RFX8: variants seen among roughly 807,000 people sequenced by gnomAD.
The protein encoded by RFX8 is regulatory factor X8, also known as DNA-binding protein RFX8.
In RFX8, 46 loss-of-function variants were observed where a neutral mutation model predicts 54.6. The ratio of observed to expected loss-of-function variants is 0.84; its 90% CI spans 0.67 to 1.08. The LOEUF (loss-of-function observed/expected upper bound fraction) is 1.08. Among genes scored for constraint, RFX8 ranks in the 50% least tolerant of loss-of-function variants. RFX8 has a pLI of 0.00. For missense variants in RFX8, 536 were observed against 562.3 expected (o/e 0.95, Z 0.47); for synonymous variants, 192 against 209.5 (o/e 0.92, Z 0.72).
In RFX8 at chr2:101,429,130, T is replaced by C. The variant is rs569955348; in HGVS notation, c.73-6658A>G. On this transcript the variant is annotated intron_variant, in intron 2 of 11. Transcript: ENST00000428343. ...TATTTGTTTAGGGGTATAACTTTTA[T>C]TGAAAAACCCTCTGCCATGTTTCTA... 1.4e-4 allele frequency: 89 copies of C among 652,346 alleles called. 1 individual carries two copies. In the South Asian group the frequency reaches 1.5e-3, roughly 11 times the overall value. The allele number at this position is 652,346 out of a possible 1,614,324, so 40.4% of individuals were successfully genotyped here.
chr2:101,400,803 C>T (rs1685395181), intron 11 of RFX8, among the ~76,000 whole-genome samples: 1 of 152,192 alleles, frequency 6.6e-6, no homozygotes, highest in Non-Finnish European at 1.5e-5. Context: ...TAGGGCTCTA[C>T]AGAATGCTCC....
chr2:101,448,032 C>T (rs1688484808), intron 2 of RFX8, among the ~76,000 whole-genome samples: 1 of 152,184 alleles, frequency 6.6e-6, no homozygotes, highest in Non-Finnish European at 1.5e-5. Context: ...GGCCAGCTAG[C>T]TCTCTGAAGC....
chr2:101,424,695 G>T (rs2104592747), intron 2 of RFX8, among the ~76,000 whole-genome samples: 1 of 152,276 alleles, frequency 6.6e-6, no homozygotes, highest in South Asian at 2.1e-4. Context: ...CCATAAAAAG[G>T]ATGAGTTAAT....
In RFX8 at chr2:101,472,582, T is replaced by TG. The variant is rs544226493; in HGVS notation, c.-53+2053dup. 9.9e-5 allele frequency among the ~76,000 whole-genome samples: 15 copies of TG among 152,266 alleles called. No individual in the cohort carries two copies. The East Asian group carries it at 2.9e-3, about 29-fold the overall frequency. Reference sequence around the variant, plus strand: ...GAGTAAGTCAGACTGTCTGCTAAAATGGTCTACACCAGGGGTGTCCAATCT... The same window carrying TG: ...GAGTAAGTCAGACTGTCTGCTAAAATGGGTCTACACCAGGGGTGTCCAATCT... On this transcript the variant is annotated intron_variant, in intron 1 of 11. Coordinates refer to ENST00000428343, the MANE Select transcript of RFX8 (RefSeq NM_001145664.2).
At chr2:101,470,144 C>T (rs1191088554) in intron 1 of RFX8, among the ~76,000 whole-genome samples, 1 of 152,106 alleles carries the variant, frequency 6.6e-6, no homozygotes, top group Non-Finnish European at 1.5e-5. Context: ...ACACATACCC[C>T]GGGCTTTGAA....
intron 6 of RFX8, 151 bp downstream of exon 6, chr2:101,417,383 T>G: frequency 5.7e-6 from 3 of 529,308 alleles, no homozygotes; most frequent in South Asian, 4.8e-5. Flanking sequence ...TTTTAAAACT[T>G]TTTTGTGAGA....
rs188087980 is a variant in RFX8 at position 101,414,752 on chromosome 2, C to T, written c.561+102G>A. The T allele has an allele frequency of 3.0e-4, 273 of 897,740 alleles. 1 individual carries two copies. In the African/African-American group the frequency reaches 4.1e-3, roughly 13 times the overall value. 55.6% of individuals were successfully genotyped at this position (897,740 alleles called of 1,614,324 possible). ...GCCACCCTGCCTGCCCTCTGCCCTC[C>T]AGATGGACAGAGCAACCACTCACTC... is the stretch of plus-strand genomic sequence containing the variant. On this transcript the variant is annotated intron_variant, in intron 7 of 11. Coordinates refer to ENST00000428343, the MANE Select transcript of RFX8 (RefSeq NM_001145664.2).
At chr2:101,438,827 T>C (rs963463975) in intron 2 of RFX8, among the ~76,000 whole-genome samples, 15 of 152,182 alleles carry the variant, frequency 9.9e-5, no homozygotes, top group African/African-American at 3.4e-4. Context: ...TTCTTTCTTT[T>C]TGAGACGGAG....
intron 2 of RFX8, among the ~76,000 whole-genome samples, chr2:101,432,171 G>A (rs776227543): frequency 1.2e-4 from 19 of 152,100 alleles, no homozygotes; most frequent in Non-Finnish European, 1.0e-4. Flanking sequence ...CTTACAACAC[G>A]GGTCAACATG....
At chr2:101,460,793 G>C (rs1689227604) in intron 2 of RFX8, among the ~76,000 whole-genome samples, 1 of 150,164 alleles carries the variant, frequency 6.7e-6, no homozygotes, top group South Asian at 2.1e-4. Flanking sequence ...ATGGAAATGT[G>C]AACCATTTTT....
Position 101,402,442 on chromosome 2 carries a change from G to A in RFX8, c.1239C>T (p.Gly413=), listed in dbSNP as rs988520968. The A allele has an allele frequency of 1.9e-5, 29 of 1,546,738 alleles. No homozygotes were observed. Among genetic ancestry groups the A allele is most frequent in the Non-Finnish European group, 2.4e-5 (27 of 1,143,064 alleles). The change falls in exon 11 of 12, where the codon GGC becomes GGT. Residue 413 remains glycine (G), a synonymous_variant. Transcript: ENST00000428343. ...GGGGTCCTGGTGTCCCTACCTTATT[G>A]CCCATGGCAGTGTCCACCAGGAAGC... is the stretch of plus-strand genomic sequence containing the variant. ...ILGFLVDTAM[G]NKLIQVLLED...
chr2:101,469,055 C>A (rs4334513), intron 1 of RFX8, among the ~76,000 whole-genome samples: 67,544 of 102,316 alleles, frequency 0.66, 21,881 homozygotes, highest in Non-Finnish European at 0.69. Context: ...TATATATATA[C>A]GTATATATAT....
intron 11 of RFX8, among the ~76,000 whole-genome samples, chr2:101,398,140 G>A (rs1337850349): frequency 1.3e-5 from 2 of 152,200 alleles, no homozygotes; most frequent in Admixed American, 6.5e-5. Context: ...TTACAGGCGT[G>A]AGCCACAGCA....
intron 2 of RFX8, chr2:101,450,472 T>C (rs1487319816): frequency 1.8e-6 from 1 of 565,690 alleles, no homozygotes; most frequent in African/African-American, 1.9e-5. Context: ...AAGCGGTTCT[T>C]GTGCCCCAGC....
intron 1 of RFX8, among the ~76,000 whole-genome samples, chr2:101,467,277 C>T (rs942684571): frequency 6.6e-6 from 1 of 152,106 alleles, no homozygotes; most frequent in Non-Finnish European, 1.5e-5. Flanking sequence ...TTATTTATTC[C>T]ACTTTATGAA....
At chr2:101,450,848 T>C (rs1688635382) in intron 2 of RFX8, among the ~76,000 whole-genome samples, 1 of 152,220 alleles carries the variant, frequency 6.6e-6, no homozygotes, top group African/African-American at 2.4e-5. Context: ...CTCTGTTATG[T>C]AGACAGGCAA....
At chr2:101,400,224 C>A (rs1186056487) in intron 11 of RFX8, among the ~76,000 whole-genome samples, 2 of 152,208 alleles carry the variant, frequency 1.3e-5, no homozygotes, top group Non-Finnish European at 2.9e-5. Context: ...GACTAACATT[C>A]TCCGCTTGGC....
At chr2:101,473,737 C>T (rs1690137892) in intron 1 of RFX8, among the ~76,000 whole-genome samples, 1 of 152,110 alleles carries the variant, frequency 6.6e-6, no homozygotes, top group African/African-American at 2.4e-5. Context: ...TTTCCTGCTT[C>T]GACTTAAATA....
chr2:101,420,454 G>A lies in RFX8; in HGVS notation c.237+1270C>T, dbSNP rs997068696. ...AGCTACTCGGTAGGCTGAGGCAGGA[G>A]AATCGCTTGAACTCAGGAGGTGGAG... is the stretch of plus-strand genomic sequence containing the variant. On this transcript the variant is annotated intron_variant, in intron 4 of 11. Coordinates refer to ENST00000428343, the MANE Select transcript of RFX8 (RefSeq NM_001145664.2). Among the ~76,000 whole-genome samples, 7 of 152,162 alleles carry A rather than the reference G, an allele frequency of 4.6e-5. No homozygotes were observed. In the East Asian group the frequency reaches 7.7e-4, roughly 17 times the overall value.
Sources: allele counts gnomAD v4.1 joint callset (sites outside exome capture counted in the v4.1 genomes callset), GRCh38; gene constraint gnomAD v4.1.1; transcripts MANE v1.5; gene names NCBI Gene and HGNC (gene_info 2026-07-23, HGNC 2026-07-21).